NEK11: variants seen among roughly 807,000 people sequenced by gnomAD.
The protein encoded by NEK11 is serine/threonine-protein kinase Nek11.
In NEK11, 72 loss-of-function variants were observed where a neutral mutation model predicts 80.7. The ratio of observed to expected loss-of-function variants is 0.89; its 90% CI spans 0.74 to 1.08. The LOEUF (loss-of-function observed/expected upper bound fraction) is 1.08, where lower values mean the gene tolerates loss of function less well. Ranked by LOEUF, NEK11 falls within the 50% of genes least tolerant of loss-of-function variation. The probability of loss-of-function intolerance (pLI) is 0.00; values close to 1 mark genes in which losing one functional copy is unlikely to be tolerated. For missense variants in NEK11, 764 were observed against 763.6 expected (o/e 1.00, Z -0.01); for synonymous variants, 251 against 260.7 (o/e 0.96, Z 0.36).
intron 4 of NEK11, among the ~76,000 whole-genome samples, chr3:131,093,769 C>G (rs543207969): frequency 7.2e-5 from 11 of 152,056 alleles, no homozygotes; most frequent in Non-Finnish European, 1.5e-4. Flanking sequence ...ACATGGTGAA[C>G]TAGAATATCT....
intron 16 of NEK11, among the ~76,000 whole-genome samples, chr3:131,261,135 G>A (rs1268556249): frequency 6.6e-6 from 1 of 152,232 alleles, no homozygotes; most frequent in Non-Finnish European, 1.5e-5. Context: ...TTATCAAGCT[G>A]TCACTCCTTC....
At chr3:131,278,021 T>G (rs2096327669) in intron 17 of NEK11, among the ~76,000 whole-genome samples, 2 of 152,208 alleles carry the variant, frequency 1.3e-5, no homozygotes, top group South Asian at 4.1e-4. Flanking sequence ...TGACATGTGT[T>G]TGTGATGTTT....
chr3:131,219,168 A>T (rs2094937226), intron 14 of NEK11, among the ~76,000 whole-genome samples: 1 of 152,244 alleles, frequency 6.6e-6, no homozygotes, highest in Non-Finnish European at 1.5e-5. Context: ...GATAGACTGG[A>T]TAAAGAAAAT....
At chr3:131,266,837 G>A (rs2096068788) in intron 16 of NEK11, among the ~76,000 whole-genome samples, 1 of 152,092 alleles carries the variant, frequency 6.6e-6, no homozygotes, top group Non-Finnish European at 1.5e-5. Context: ...TCTCTTTGTA[G>A]GTCTCTGAGG....
chr3:131,143,903 C>A (rs1169984794), intron 7 of NEK11, among the ~76,000 whole-genome samples: 2 of 152,022 alleles, frequency 1.3e-5, no homozygotes, highest in Non-Finnish European at 2.9e-5. Flanking sequence ...TTACTGTTTC[C>A]ATAGATTGAA....
rs532586497 is a variant in NEK11, at chr3:131,182,568, C to T, written c.1399+11681C>T. Reference sequence around the variant, plus strand: ...TGTGTAGTATAAACATACCTACCTACCTTCACAGCTAACCTTGATGATCCT... The same window carrying T: ...TGTGTAGTATAAACATACCTACCTATCTTCACAGCTAACCTTGATGATCCT... On this transcript the variant is annotated intron_variant, in intron 14 of 17. Transcript: ENST00000383366. Among the ~76,000 whole-genome samples, 13 of 152,302 alleles carry T rather than the reference C, an allele frequency of 8.5e-5. No individual in the cohort carries two copies. The South Asian group carries it at 2.7e-3, about 32-fold the overall frequency.
chr3:131,102,667 A>C (rs376734615), intron 4 of NEK11, among the ~76,000 whole-genome samples: 3 of 152,076 alleles, frequency 2.0e-5, no homozygotes, highest in African/African-American at 7.2e-5. Flanking sequence ...TGGTTGACTT[A>C]TATGGTGTCT....
chr3:131,228,261 A>G (rs752621559), intron 14 of NEK11, among the ~76,000 whole-genome samples: 9 of 152,110 alleles, frequency 5.9e-5, no homozygotes, highest in Non-Finnish European at 8.8e-5. Context: ...GTTAAAGCAT[A>G]TTATTTATTC....
chr3:131,243,854 C>T (rs147800161), intron 16 of NEK11, among the ~76,000 whole-genome samples: 1 of 152,018 alleles, frequency 6.6e-6, no homozygotes, highest in South Asian at 2.1e-4. Flanking sequence ...TTCAGTTAAG[C>T]TGGGAGGACC....
chr3:131,073,877 T>C (rs1396805318), intron 3 of NEK11, among the ~76,000 whole-genome samples: 3 of 152,196 alleles, frequency 2.0e-5, no homozygotes, highest in Non-Finnish European at 4.4e-5. Context: ...TAGGATTTCC[T>C]GTGCTCTGGC....
chr3:131,143,641 C>T (rs1441833962), intron 7 of NEK11, among the ~76,000 whole-genome samples: 1 of 151,934 alleles, frequency 6.6e-6, no homozygotes, highest in Non-Finnish European at 1.5e-5. Flanking sequence ...AAGTGATTTA[C>T]ATATATGTTA....
At chr3:131,111,501 C>T (rs754276990) in intron 5 of NEK11, among the ~76,000 whole-genome samples, 2 of 152,046 alleles carry the variant, frequency 1.3e-5, no homozygotes, top group Non-Finnish European at 2.9e-5. Flanking sequence ...AAGTCTCAAC[C>T]TCAAAGAGCT....
At chr3:131,252,818 T>G (rs2108312951) in intron 16 of NEK11, among the ~76,000 whole-genome samples, 1 of 152,290 alleles carries the variant, frequency 6.6e-6, no homozygotes, top group Non-Finnish European at 1.5e-5. Context: ...CTTTATAATC[T>G]TTAAGCCTTG....
rs114149751 is a variant in NEK11 at position 131,132,680 on chromosome 3, T to G, written c.456-65T>G. The G allele has an allele frequency of 9.2e-4, 753 of 814,864 alleles. 2 individuals carry two copies. In the African/African-American group the frequency reaches 0.012, roughly 13 times the overall value. The allele number at this position is 814,864 out of a possible 1,614,324, so 50.5% of individuals were successfully genotyped here. A position where few individuals can be genotyped will look rare whatever the true frequency, so the allele number is the denominator to read the frequency against. Reference sequence around the variant, plus strand: ...AAATCATGTGCAACAACATATATTATTTACATGGGGATTTAAAAATGTTAT... The same window carrying G: ...AAATCATGTGCAACAACATATATTAGTTACATGGGGATTTAAAAATGTTAT... On this transcript the variant is annotated intron_variant, in intron 5 of 17. Coordinates refer to ENST00000383366, the MANE Select transcript of NEK11 (RefSeq NM_024800.5).
intron 5 of NEK11, among the ~76,000 whole-genome samples, chr3:131,118,699 G>T (rs1456964474): frequency 6.6e-6 from 1 of 152,134 alleles, no homozygotes; most frequent in African/African-American, 2.4e-5. Flanking sequence ...GTTTAGTCTT[G>T]GGAGGGTGTA....
chr3:131,252,289 T>C (rs1471577138), intron 16 of NEK11, among the ~76,000 whole-genome samples: 1 of 152,128 alleles, frequency 6.6e-6, no homozygotes, highest in African/African-American at 2.4e-5. Context: ...CCCAGGTGCC[T>C]GCAGAGCATG....
chr3:131,179,439 T>C (rs531448322), intron 14 of NEK11, among the ~76,000 whole-genome samples: 1 of 152,336 alleles, frequency 6.6e-6, no homozygotes, highest in South Asian at 2.1e-4. Flanking sequence ...CAACTCATAG[T>C]CATGACAAGG....
At chr3:131,044,218 A>G (rs556923166) in intron 3 of NEK11, among the ~76,000 whole-genome samples, 74 of 152,282 alleles carry the variant, frequency 4.9e-4, no homozygotes, top group African/African-American at 1.8e-3. Context: ...AGCTAGCATC[A>G]TAATGATAGG....
intron 3 of NEK11, chr3:131,072,287 GC>G (rs1174415652): frequency 6.6e-6 from 1 of 152,216 alleles, no homozygotes; most frequent in East Asian, 1.9e-4. Flanking sequence ...CCAGCTGGCT[GC>G]CATAGTTCAA....
Sources: allele counts gnomAD v4.1 joint callset (sites outside exome capture counted in the v4.1 genomes callset), GRCh38; gene constraint gnomAD v4.1.1; transcripts MANE v1.5; gene names NCBI Gene and HGNC (gene_info 2026-07-23, HGNC 2026-07-21).